The following SPG7 variants were observed in gnomAD, a reference collection of about 807,000 sequenced individuals.
SPG7 encodes SPG7 matrix AAA peptidase subunit, paraplegin, also known as mitochondrial inner membrane m-AAA protease component paraplegin.
A neutral mutation model predicts 81.9 loss-of-function variants in SPG7; 103 were observed. The ratio of observed to expected loss-of-function variants is 1.26; its 90% CI spans 1.07 to 1.48. The LOEUF (loss-of-function observed/expected upper bound fraction) is 1.48, where lower values mean the gene tolerates loss of function less well. Ranked by LOEUF, SPG7 falls within the 40% of genes most tolerant of loss-of-function variation. SPG7 has a pLI of 0.00. For synonymous variants in SPG7, 534 were observed against 444.2 expected, an observed-to-expected ratio of 1.20 and a Z score of -2.54; for missense variants, 1,241 against 1,087.3, an observed-to-expected ratio of 1.14 and a Z score of -1.99.
Position 89,553,038 on chromosome 16 carries a change from C to T in SPG7, c.1839C>T (p.Asp613=). Residue 613 remains aspartate (D), a synonymous_variant, in exon 14 of 17, where the codon GAC becomes GAT. Coordinates refer to ENST00000645818, the MANE Select transcript of SPG7 (RefSeq NM_003119.4). ...ALGFAQMLPR[D]QHLFTKEQLF... ...GCTTTGCTCAGATGCTCCCCAGAGA[C>T]CAGCACCTCTTCACCAAGGAGCAGC... 1 of 1,614,046 alleles carries T rather than the reference C, an allele frequency of 6.2e-7. No homozygotes were observed. Among genetic ancestry groups the T allele is most frequent in the South Asian group, 1.1e-5 (1 of 91,076 alleles).
At chr16:89,530,499 A>C (rs1448124875) in intron 6 of SPG7, 184 bp from the exon 7 acceptor site, 4 of 716,076 alleles carry the variant, frequency 5.6e-6, no homozygotes, top group African/African-American at 3.5e-5. Flanking sequence ...TTAATGACGA[A>C]ACATTTCCCT....
intron 16 of SPG7, chr16:89,556,017 G>A (rs1286274110): frequency 3.8e-5 from 15 of 398,624 alleles, no homozygotes; most frequent in East Asian, 1.8e-4. Context: ...TGCTCATCAC[G>A]GTTGACAAAG....
chr16:89,553,627 A>T lies in SPG7; in HGVS notation c.1937-167A>T, dbSNP rs2058658768. 3 of 642,384 alleles carry T rather than the reference A, an allele frequency of 4.7e-6. No individual in the cohort carries two copies. The Admixed American group carries it at 8.2e-5, about 17-fold the overall frequency. 39.8% of individuals were successfully genotyped at this position (642,384 alleles called of 1,614,324 possible). A position where few individuals can be genotyped will look rare whatever the true frequency, so the allele number is the denominator to read the frequency against. Reference sequence around the variant, plus strand: ...GAAAGTTTTAAGACTCTCTTAAGGAACAGTGGTGAGGTGCCAACGTCCTCA... The same window carrying T: ...GAAAGTTTTAAGACTCTCTTAAGGATCAGTGGTGAGGTGCCAACGTCCTCA... On this transcript the variant is annotated intron_variant, in intron 14 of 16. Transcript: ENST00000645818.
intron 9 of SPG7, chr16:89,538,617 C>G (rs2152406778): frequency 6.5e-6 from 1 of 152,764 alleles, no homozygotes; most frequent in East Asian, 1.9e-4. Flanking sequence ...TGCCCTCTGT[C>G]CTCTCAGAGG....
intron 9 of SPG7, chr16:89,543,456 C>G (rs2058525315): frequency 6.7e-6 from 1 of 150,060 alleles, no homozygotes; most frequent in Admixed American, 6.7e-5. Flanking sequence ...ATTCTCCTGC[C>G]TCAGTCTCCC....
intron 9 of SPG7, among the ~76,000 whole-genome samples, chr16:89,535,745 G>C (rs11639901): frequency 0.55 from 83,130 of 152,196 alleles, 23,050 homozygotes; most frequent in African/African-American, 0.6. Context: ...CTCAAGCGGA[G>C]ATCACCATGC....
At chr16:89,546,827 C>G (rs2058570547) in intron 11 of SPG7, 67 bp downstream of exon 11, 1 of 1,029,082 alleles carries the variant, frequency 9.7e-7, no homozygotes, top group African/African-American at 1.6e-5. Context: ...CCTGCGCAAA[C>G]AGCATCGAGG....
In SPG7 at chr16:89,526,679, C is replaced by T. The variant is rs138521069; in HGVS notation, c.758+211C>T. On this transcript the variant is annotated intron_variant, in intron 5 of 16. Coordinates refer to ENST00000645818, the MANE Select transcript of SPG7 (RefSeq NM_003119.4). The stretch of plus-strand genomic sequence containing the variant: ...CTGGGTATCCATGGGGGCTGGTTCT[C>T]GGACTTCCCAAGGATACCAGCACCT... The T allele has an allele frequency of 7.6e-4, 411 of 539,208 alleles. 2 individuals are homozygous for T. The highest frequency in any genetic ancestry group is 7.1e-3 in the African/African-American group (372 of 52,488). 33.4% of individuals were successfully genotyped at this position (539,208 alleles called of 1,614,324 possible). A position where few individuals can be genotyped will look rare whatever the true frequency, so the allele number is the denominator to read the frequency against.
rs1449187592 is a variant in SPG7, at chr16:89,523,983, C to T, written c.377-23C>T. The T allele has an allele frequency of 3.1e-6, 5 of 1,610,108 alleles. No individual in the cohort carries two copies. The African/African-American group carries it at 6.7e-5, about 21-fold the overall frequency. On this transcript the variant is annotated intron_variant, in intron 3 of 16. Transcript: ENST00000645818. ...CTGTTGCTCATGTGTTTGTTTCTCCCTTTTGCTTCTCTGCCGGCTCAGAGG... is the reference window on the plus strand; with the variant it reads ...CTGTTGCTCATGTGTTTGTTTCTCCTTTTTGCTTCTCTGCCGGCTCAGAGG...
rs1288664316 is a variant in SPG7, at chr16:89,537,762, C to T, written c.1324+5126C>T. Reference sequence around the variant, plus strand: ...CCGTGAGCTCTTTCAGGTCCAGGCTCCCAGTGTCTGGGCAGTGAATGAGGT... The same window carrying T: ...CCGTGAGCTCTTTCAGGTCCAGGCTTCCAGTGTCTGGGCAGTGAATGAGGT... On this transcript the variant is annotated intron_variant, in intron 9 of 16. Transcript: ENST00000645818. 4.1e-6 allele frequency: 4 copies of T among 985,302 alleles called. No homozygotes were observed. The African/African-American group carries it at 5.2e-5, about 13-fold the overall frequency. 61.0% of individuals were successfully genotyped at this position (985,302 alleles called of 1,614,324 possible).
intron 1 of SPG7, 33 bp downstream of exon 1, chr16:89,508,633 C>G: frequency 7.0e-7 from 1 of 1,428,306 alleles, no homozygotes; most frequent in Non-Finnish European, 9.1e-7. Context: ...CCCCACCTCC[C>G]GCCCGGCTCT....
intron 6 of SPG7, 147 bp from the exon 7 acceptor site, chr16:89,530,536 C>T: frequency 2.3e-6 from 2 of 859,648 alleles, no homozygotes; most frequent in African/African-American, 1.6e-5. Context: ...GACTGTGAGC[C>T]TCGTCAGCCT....
At chr16:89,545,918 T>C in intron 10 of SPG7, 1 of 452,806 alleles carries the variant, frequency 2.2e-6, no homozygotes, top group South Asian at 1.6e-5. Flanking sequence ...AGTGCTGCGA[T>C]CACCACTCAC....
intron 16 of SPG7, chr16:89,555,084 C>CTTT (rs1429443142): frequency 2.3e-5 from 3 of 130,358 alleles, no homozygotes; most frequent in South Asian, 2.3e-4. Context: ...CTCGGCTTTT[C>CTTT]TTTTTTTTTT....
chr16:89,543,011 G>C (rs918263129), intron 9 of SPG7: 2 of 133,568 alleles, frequency 1.5e-5, no homozygotes, highest in Non-Finnish European at 3.1e-5. Context: ...GCAGTGGCGT[G>C]ATCTCGGCTC....
At position 89,532,456 on chromosome 16, in the gene SPG7, C is replaced by A; in HGVS notation, c.1151-7C>A. The A allele has an allele frequency of 6.2e-7, 1 of 1,613,240 alleles. No homozygotes were observed. The highest frequency in any genetic ancestry group is 1.1e-5 in the South Asian group (1 of 91,078). ...CCCATTTCCTGATTCTCTCTGTGTC[C>A]CCTCAGGCCTCGGCGCTGCCCGTGT... On this transcript the variant is annotated splice_polypyrimidine_tract_variant and splice_region_variant and intron_variant, in intron 8 of 16. Transcript: ENST00000645818.
Position 89,532,069 on chromosome 16 carries a change from A to T in SPG7, c.1150+3A>T. The T allele has an allele frequency of 1.2e-6, 2 of 1,604,940 alleles. No individual in the cohort carries two copies. Among genetic ancestry groups the T allele is most frequent in the Non-Finnish European group, 1.7e-6 (2 of 1,175,420 alleles). Reference sequence around the variant, plus strand: ...AGAGTTCGTGGAGGTCATTGGAGGTAGGTGCTGTGGTTGGGGGCTGTGGGT... The same window carrying T: ...AGAGTTCGTGGAGGTCATTGGAGGTTGGTGCTGTGGTTGGGGGCTGTGGGT... On this transcript the variant is annotated splice_donor_region_variant and intron_variant, in intron 8 of 16. Coordinates refer to ENST00000645818, the MANE Select transcript of SPG7 (RefSeq NM_003119.4).
intron 9 of SPG7, chr16:89,533,086 A>AAG: frequency 5.6e-6 from 1 of 177,926 alleles, no homozygotes; most frequent in Non-Finnish European, 1.2e-5. Flanking sequence ...AAAAAAAAAA[A>AAG]AAAAAAACAC....
intron 3 of SPG7, among the ~76,000 whole-genome samples, chr16:89,514,729 A>G (rs2058071416): frequency 6.6e-6 from 1 of 151,808 alleles, no homozygotes; most frequent in Non-Finnish European, 1.5e-5. Flanking sequence ...CGATCTCCTG[A>G]CCTTGTGATC....
Sources: allele counts gnomAD v4.1 joint callset (sites outside exome capture counted in the v4.1 genomes callset), GRCh38; gene constraint gnomAD v4.1.1; transcripts MANE v1.5; gene names NCBI Gene and HGNC (gene_info 2026-07-23, HGNC 2026-07-21).